TG: variants seen among roughly 807,000 people sequenced by gnomAD.
TG encodes thyroglobulin.
A neutral mutation model predicts 324.7 loss-of-function variants in TG; 270 were observed. The observed-to-expected ratio is 0.83, with a 90% CI of 0.75 to 0.92. The LOEUF is 0.92. Among genes scored for constraint, TG ranks in the 40% least tolerant of loss-of-function variants. TG has a pLI of 0.00. For missense variants in TG, 3,591 were observed against 3,456.4 expected, an observed-to-expected ratio of 1.04 and a Z score of -0.98; for synonymous variants, 1,401 against 1,327.0, an observed-to-expected ratio of 1.06 and a Z score of -1.21.
At chr8:132,968,265 A>G (rs1379111878) in intron 31 of TG, among the ~76,000 whole-genome samples, 4 of 152,208 alleles carry the variant, frequency 2.6e-5, no homozygotes, top group Non-Finnish European at 5.9e-5. Context: ...CTTAAAACTA[A>G]TTTATTCTTC....
chr8:133,040,188 G>A lies in TG; in HGVS notation c.7239+10165G>A, dbSNP rs1394998621. On this transcript the variant is annotated intron_variant, in intron 41 of 47. Coordinates refer to ENST00000220616, the MANE Select transcript of TG (RefSeq NM_003235.5). Reference sequence around the variant, plus strand: ...CCTGGGGACGCCTCAGCCAGTGTGGGGTTCAGGCCTGAGACACTCTCCAGT... The same window carrying A: ...CCTGGGGACGCCTCAGCCAGTGTGGAGTTCAGGCCTGAGACACTCTCCAGT... 6 of 1,543,890 alleles carry A rather than the reference G, an allele frequency of 3.9e-6. No homozygotes were observed. In the Admixed American group the frequency reaches 7.8e-5, roughly 20 times the overall value.
intron 41 of TG, among the ~76,000 whole-genome samples, chr8:133,043,218 C>T (rs1161113425): frequency 1.3e-5 from 2 of 152,128 alleles, no homozygotes; most frequent in Admixed American, 6.5e-5. Context: ...GGTCAAGCAG[C>T]GGCAGTTAGA....
chr8:133,000,456 T>C (rs1335346243), intron 35 of TG, among the ~76,000 whole-genome samples: 3 of 152,148 alleles, frequency 2.0e-5, no homozygotes, highest in African/African-American at 7.2e-5. Flanking sequence ...AAAAGACCAA[T>C]AATTGAGACT....
intron 35 of TG, among the ~76,000 whole-genome samples, chr8:132,990,920 T>TC (rs1832241582): frequency 6.6e-6 from 1 of 151,570 alleles, no homozygotes; most frequent in South Asian, 2.1e-4. Context: ...GGCCAGTTTT[T>TC]TTTTTTTTTT....
Position 133,017,863 on chromosome 8 carries a change from C to A in TG, c.6648C>A (p.Ile2216=), listed in dbSNP as rs3739269. ...GGCTGCTGGGCAGGTCCCAGGCCATCCAGGTGGGTACCTCATGGAAGCAAG... is the reference window on the plus strand; with the variant it reads ...GGCTGCTGGGCAGGTCCCAGGCCATACAGGTGGGTACCTCATGGAAGCAAG... ...HGRLLGRSQA[I]QVGTSWKQVD... Residue 2216 remains isoleucine, a synonymous_variant, in exon 38 of 48, where the codon ATC becomes ATA. Transcript: ENST00000220616. 24 of 1,614,202 alleles carry A rather than the reference C, an allele frequency of 1.5e-5. No individual in the cohort carries two copies. The East Asian group carries it at 5.3e-4, about 36-fold the overall frequency.
At chr8:132,978,982 G>T (rs1414533423) in intron 34 of TG, among the ~76,000 whole-genome samples, 1 of 152,240 alleles carries the variant, frequency 6.6e-6, no homozygotes, top group Non-Finnish European at 1.5e-5. Context: ...GAGTTCAGAA[G>T]TGAGCAGAAA....
chr8:132,900,020 G>A (rs551021513), intron 14 of TG, among the ~76,000 whole-genome samples: 16 of 152,200 alleles, frequency 1.1e-4, no homozygotes, highest in Non-Finnish European at 1.9e-4. Context: ...CGGGAGAACT[G>A]TGGTCCATGC....
chr8:133,113,633 C>T, intron 44 of TG, 30 bp downstream of exon 44: 1 of 1,609,486 alleles, frequency 6.2e-7, no homozygotes, highest in Non-Finnish European at 8.5e-7. Flanking sequence ...GGTGCAGATT[C>T]CTACTGCTAT....
chr8:133,065,377 C>G (rs1395050720), intron 41 of TG, among the ~76,000 whole-genome samples: 1 of 152,248 alleles, frequency 6.6e-6, no homozygotes, highest in Non-Finnish European at 1.5e-5. Flanking sequence ...AACCTGTGCT[C>G]TAACTCGCCA....
Position 132,886,485 on chromosome 8 carries a change from C to A in TG, c.1113C>A (p.Ala371=). The A allele has an allele frequency of 6.2e-7, 1 of 1,614,170 alleles. No individual in the cohort carries two copies. The part of the protein sequence containing the change: ...GQSCASERQQ[A]LSRLYFGTSG... ...CTTGTGCCTCCGAAAGGCAGCAGGC[C>A]TTGTCCAGACTCTACTTTGGGACCT... The change falls in exon 9 of 48, where the codon GCC becomes GCA. Residue 371 remains alanine (A), a synonymous_variant. Coordinates refer to ENST00000220616, the MANE Select transcript of TG (RefSeq NM_003235.5).
rs1400333197 is a variant in TG, at chr8:132,909,023, T to C, written c.4002+683T>C. Among the ~76,000 whole-genome samples the C allele has an allele frequency of 3.3e-5, 5 of 151,996 alleles. No homozygotes were observed. The East Asian group carries it at 9.6e-4, about 29-fold the overall frequency. Reference sequence around the variant, plus strand: ...GCAGAGCAAAAGAGGGAACTGCAAATTGGGGTGTGCATGTTGGAAATGGCT... The same window carrying C: ...GCAGAGCAAAAGAGGGAACTGCAAACTGGGGTGTGCATGTTGGAAATGGCT... On this transcript the variant is annotated intron_variant, in intron 18 of 47. Transcript: ENST00000220616.
intron 35 of TG, among the ~76,000 whole-genome samples, chr8:132,988,240 C>T (rs1027920063): frequency 6.6e-6 from 1 of 152,094 alleles, no homozygotes; most frequent in Non-Finnish European, 1.5e-5. Flanking sequence ...GGAAAAGCAC[C>T]ACAAATATAT....
chr8:133,055,848 GCA>G (rs1841347485), intron 41 of TG, among the ~76,000 whole-genome samples: 1 of 81,192 alleles, frequency 1.2e-5, no homozygotes, highest in Non-Finnish European at 2.8e-5. Flanking sequence ...AGCAGCAGCA[GCA>G]GCAGCAGCAG....
chr8:133,078,425 G>A (rs57893191), intron 41 of TG, among the ~76,000 whole-genome samples: 3,686 of 152,248 alleles, frequency 0.024, 154 homozygotes, highest in African/African-American at 0.084. Context: ...TGTCTTCCCT[G>A]CTCCTCCACC....
At chr8:132,904,100 G>A (rs1190323116) in intron 16 of TG, among the ~76,000 whole-genome samples, 2 of 152,174 alleles carry the variant, frequency 1.3e-5, no homozygotes, top group African/African-American at 2.4e-5. Flanking sequence ...CTGGTGTTGG[G>A]CTTTGGGTGG....
At chr8:132,921,108 A>G (rs774795543) in intron 21 of TG, among the ~76,000 whole-genome samples, 40 of 152,222 alleles carry the variant, frequency 2.6e-4, no homozygotes, top group Non-Finnish European at 5.0e-4. Context: ...CATTAACAAC[A>G]TCGTGGGGGC....
Position 132,869,781 on chromosome 8 carries a change from G to A in TG, c.229G>A (p.Gly77Ser), listed in dbSNP as rs142698837. The change falls in exon 3 of 48, where the codon GGC (glycine) becomes AGC (serine). Residue 77 changes from glycine to serine, a missense_variant. Gly to Ser is a moderately conservative substitution (Grantham distance 56, BLOSUM62 0). Transcript: ENST00000220616. ...CTCCTGCTGGTGTGTGGGTGCCAAC[G>A]GCAGTGAAGTGCTGGGCAGCAGGCA... ...GRSCWCVGAN[G>S]SEVLGSRQPG... is the part of the protein sequence containing the mutation. 1.2e-3 allele frequency: 1,904 copies of A among 1,614,136 alleles called. 2 individuals carry two copies. The highest frequency in any genetic ancestry group is 1.5e-3 in the Non-Finnish European group (1,762 of 1,180,026).
chr8:132,942,984 G>A (rs1824672982), intron 26 of TG, among the ~76,000 whole-genome samples: 1 of 152,064 alleles, frequency 6.6e-6, no homozygotes, highest in Admixed American at 6.5e-5. Context: ...GGTGTTTTTT[G>A]GTATCACCTC....
At chr8:133,039,939 C>T in intron 41 of TG, 2 of 1,516,154 alleles carry the variant, frequency 1.3e-6, no homozygotes, top group South Asian at 2.4e-5. Context: ...CACATGTTCA[C>T]AGAGCACTTG....
Sources: allele counts gnomAD v4.1 joint callset (sites outside exome capture counted in the v4.1 genomes callset), GRCh38; gene constraint gnomAD v4.1.1; transcripts MANE v1.5; gene names NCBI Gene and HGNC (gene_info 2026-07-23, HGNC 2026-07-21).